The following USP31 variants were observed in gnomAD, a reference collection of about 807,000 sequenced individuals.
The protein encoded by USP31 is ubiquitin carboxyl-terminal hydrolase 31.
USP31 carries 44 observed loss-of-function variants against 119.4 expected under a neutral mutation model. The ratio of observed to expected loss-of-function variants is 0.37; its 90% CI spans 0.29 to 0.47. USP31 has a LOEUF of 0.47. USP31 is among the 20% of genes least tolerant of loss of function. The pLI is 0.99. For synonymous variants in USP31, 749 were observed against 705.6 expected (o/e 1.06, Z -0.97); for missense variants, 1,643 against 1,730.2 (o/e 0.95, Z 0.89).
At chr16:23,090,836 T>C in intron 6 of USP31, 32 bp from the exon 7 acceptor site, 1 of 1,441,604 alleles carries the variant, frequency 6.9e-7, no homozygotes. Context: ...TCATTTTATC[T>C]CTTCAAAATT....
intron 6 of USP31, among the ~76,000 whole-genome samples, chr16:23,098,193 A>C (rs1038488480): frequency 6.6e-6 from 1 of 152,094 alleles, no homozygotes; most frequent in Non-Finnish European, 1.5e-5. Context: ...ACAAACAGAG[A>C]GCCAAATCAT....
rs1284570782 is a variant in USP31, at chr16:23,148,641, G to A, written c.630C>T (p.Phe210=). ...GCGCGGCGGCGCGCGGGCTCACCTTGAAGTCGCGGCTGTGCTGCGGGGTGT... is the reference window on the plus strand; with the variant it reads ...GCGCGGCGGCGCGCGGGCTCACCTTAAAGTCGCGGCTGTGCTGCGGGGTGT... ...LEYTPQHSRD[F]KTIVSKNALQ... is the part of the protein sequence containing the mutation. The change falls in exon 1 of 16, where the codon TTC becomes TTT. Residue 210 remains phenylalanine (F), a synonymous_variant. Coordinates refer to ENST00000219689, the MANE Select transcript of USP31 (RefSeq NM_020718.4). 1 of 1,481,782 alleles carries A rather than the reference G, an allele frequency of 6.7e-7. No individual in the cohort carries two copies. Among genetic ancestry groups the A allele is most frequent in the Non-Finnish European group, 8.9e-7 (1 of 1,121,634 alleles). 91.8% of individuals were successfully genotyped at this position (1,481,782 alleles called of 1,614,324 possible).
In USP31 at chr16:23,069,349, G is replaced by T; in HGVS notation, c.2756C>A (p.Ser919Tyr). ...GTCGCTTGGTTCCTGGTAACTGCTA[G>T]AAAGGTTCCGCAAGCTACCAAAGCA... ...ISCFGSLRNL[S>Y]SSYQEPSDSH... The change falls in exon 16 of 16, where the codon TCT becomes TAT. Residue 919 changes from serine (S) to tyrosine (Y), a missense_variant. Physicochemically the swap from Ser to Tyr is moderately radical, Grantham distance 144. Transcript: ENST00000219689. The T allele has an allele frequency of 6.2e-7, 1 of 1,604,484 alleles. No individual in the cohort carries two copies. Among genetic ancestry groups the T allele is most frequent in the Non-Finnish European group, 8.5e-7 (1 of 1,173,954 alleles).
intron 10 of USP31, 97 bp from the exon 11 acceptor site, chr16:23,085,086 C>T (rs925277323): frequency 1.2e-5 from 17 of 1,450,382 alleles, no homozygotes; most frequent in East Asian, 2.4e-5. Context: ...AACTCATAAC[C>T]GAAGGAAAAA....
chr16:23,120,584 G>A (rs551719780), intron 1 of USP31, among the ~76,000 whole-genome samples: 3 of 152,304 alleles, frequency 2.0e-5, no homozygotes, highest in African/African-American at 7.2e-5. Flanking sequence ...TACATCCAGC[G>A]GCCTTTTCAG....
rs756867210 is a variant in USP31, at chr16:23,090,785, G to C, written c.1254C>G (p.Asn418Lys). The change falls in exon 7 of 16, where the codon AAC becomes AAG. Residue 418 changes from asparagine to lysine, a missense_variant. By Grantham distance (94) the Asn-to-Lys change is moderately conservative (BLOSUM62 0). Transcript: ENST00000219689. ...CCAAGCCAAATTTCAAGTGGTTTAG[G>C]TTGTTGTTTAAATGAATTCCTGAAA... ...LSQRGIHLNNNLNHLKFGLDY... is the reference protein window; with the variant it reads ...LSQRGIHLNNKLNHLKFGLDY... 2.5e-6 allele frequency: 4 copies of C among 1,583,080 alleles called. No homozygotes were observed. Among genetic ancestry groups the C allele is most frequent in the Non-Finnish European group, 3.5e-6 (4 of 1,157,260 alleles).
In USP31 at chr16:23,106,219, T is replaced by A. The variant is rs748434759; in HGVS notation, c.947A>T (p.His316Leu). Residue 316 changes from histidine (H) to leucine (L), a missense_variant, in exon 4 of 16, where the codon CAC (histidine) becomes CTC (leucine). This residue lies in a region of USP31 where 144 missense variants were observed against 218.0 expected (regional missense o/e 0.66). Transcript: ENST00000219689. ...LCISLPIPLP[H>L]TRPLYVTVVY... The stretch of plus-strand genomic sequence containing the variant: ...TTACTAAATCCATTCTTACCTTGTG[T>A]GGGGCAGAGGAATTGGCAAAGAAAT... 3.7e-6 allele frequency: 6 copies of A among 1,614,160 alleles called. No individual in the cohort carries two copies. In the Admixed American group the frequency reaches 1.0e-4, roughly 27 times the overall value.
At chr16:23,112,300 C>T (rs1380664651) in intron 1 of USP31, among the ~76,000 whole-genome samples, 1 of 152,130 alleles carries the variant, frequency 6.6e-6, no homozygotes, top group East Asian at 1.9e-4. Flanking sequence ...ATAAACGGCC[C>T]GGACATGGTG....
chr16:23,122,018 C>T (rs1285813344), intron 1 of USP31, among the ~76,000 whole-genome samples: 1 of 151,948 alleles, frequency 6.6e-6, no homozygotes, highest in African/African-American at 2.4e-5. Context: ...TAAGACAATA[C>T]AAAATAAAGA....
intron 1 of USP31, among the ~76,000 whole-genome samples, chr16:23,139,239 C>G (rs1242856388): frequency 6.6e-6 from 1 of 152,098 alleles, no homozygotes. Flanking sequence ...CCCATCTCTA[C>G]TAAAATACAA....
intron 6 of USP31, among the ~76,000 whole-genome samples, chr16:23,095,004 C>G (rs1452107465): frequency 6.6e-6 from 1 of 152,158 alleles, no homozygotes; most frequent in Non-Finnish European, 1.5e-5. Flanking sequence ...TGGAGAATGA[C>G]TTTGATGAGT....
Position 23,082,552 on chromosome 16 carries a change from G to A in USP31, c.1836C>T (p.Ala612=). ...FQLYTKEERL[A]PDDAWRCPHC... is the part of the protein sequence containing the mutation. Reference sequence around the variant, plus strand: ...GTGGGCAACGCCAGGCATCATCGGGGGCAAGCTGAAAACAGAAGCATGACT... The same window carrying A: ...GTGGGCAACGCCAGGCATCATCGGGAGCAAGCTGAAAACAGAAGCATGACT... Residue 612 remains alanine (A), a synonymous_variant, in exon 12 of 16, where the codon GCC becomes GCT. Coordinates refer to ENST00000219689, the MANE Select transcript of USP31 (RefSeq NM_020718.4). 6.2e-7 allele frequency: 1 copy of A among 1,614,074 alleles called. No individual in the cohort carries two copies. Among genetic ancestry groups the A allele is most frequent in the Non-Finnish European group, 8.5e-7 (1 of 1,180,030 alleles).
At chr16:23,084,736 A>G (rs1252794468) in intron 11 of USP31, 124 bp downstream of exon 11, 5 of 1,291,568 alleles carry the variant, frequency 3.9e-6, no homozygotes, top group African/African-American at 3.0e-5. Context: ...TTACATGTGC[A>G]GACTTACATA....
intron 13 of USP31, chr16:23,074,104 C>A (rs1900461868): frequency 3.6e-6 from 2 of 549,564 alleles, no homozygotes; most frequent in Non-Finnish European, 6.5e-6. Flanking sequence ...AGTTCCAGTT[C>A]ATCTTAGAAA....
chr16:23,144,374 G>A (rs941209143), intron 1 of USP31, among the ~76,000 whole-genome samples: 5 of 152,160 alleles, frequency 3.3e-5, no homozygotes, highest in Non-Finnish European at 7.3e-5. Context: ...GAATGTGAGC[G>A]ATGTGAAAGT....
intron 13 of USP31, among the ~76,000 whole-genome samples, chr16:23,077,998 C>T (rs1471571196): frequency 6.6e-6 from 1 of 152,136 alleles, no homozygotes; most frequent in Non-Finnish European, 1.5e-5. Context: ...GATCTATCAA[C>T]AGAACATTCT....
At position 23,062,850 on chromosome 16, in the gene USP31, T is replaced by C. The variant is rs1733245283; in HGVS notation, c.*5196A>G. The C allele has an allele frequency of 6.6e-6, 1 of 152,556 alleles. No individual in the cohort carries two copies. Among genetic ancestry groups the C allele is most frequent in the Admixed American group, 6.5e-5 (1 of 15,278 alleles). The allele number at this position is 152,556 out of a possible 1,614,324, so 9.5% of individuals were successfully genotyped here. A position where few individuals can be genotyped will look rare whatever the true frequency, so the allele number is the denominator to read the frequency against. On this transcript the variant is annotated 3_prime_UTR_variant, in exon 16 of 16. Coordinates refer to ENST00000219689, the MANE Select transcript of USP31 (RefSeq NM_020718.4). The stretch of plus-strand genomic sequence containing the variant: ...TATCAGTATCTCTCAATTCTTTTTA[T>C]TCTTATTTTTTCTGCTTCTCCTACA...
intron 1 of USP31, among the ~76,000 whole-genome samples, chr16:23,130,714 C>T (rs935756142): frequency 2.0e-5 from 3 of 152,102 alleles, no homozygotes; most frequent in African/African-American, 4.8e-5. Context: ...CAGAATGACA[C>T]GTAAACATAA....
chr16:23,083,711 G>A (rs1406390296), intron 11 of USP31, among the ~76,000 whole-genome samples: 85 of 30,134 alleles, frequency 2.8e-3, no homozygotes, highest in African/African-American at 3.8e-3. Context: ...GGGGGGGGGG[G>A]AAGGGGTGAA....
Sources: gnomAD v4.1 joint callset for allele counts (sites outside exome capture counted in the v4.1 genomes callset) on GRCh38, gnomAD v4.1.1 for gene constraint, gnomAD v4.1.1 regional missense constraint, MANE v1.5 for transcripts, NCBI Gene and HGNC (gene_info 2026-07-23, HGNC 2026-07-21) for gene names.